The following CCSER1 variants were observed in gnomAD, a reference collection of about 807,000 sequenced individuals.
CCSER1 encodes the protein coiled-coil serine rich protein 1, also known as serine-rich coiled-coil domain-containing protein 1.
In CCSER1, 41 loss-of-function variants were observed where a neutral mutation model predicts 82.0. The ratio of observed to expected loss-of-function variants is 0.50; its 90% CI spans 0.39 to 0.65. The LOEUF (loss-of-function observed/expected upper bound fraction) is 0.65. Among genes scored for constraint, CCSER1 ranks in the 30% least tolerant of loss-of-function variants. CCSER1 has a pLI of 0.00. For missense variants in CCSER1, 1,119 were observed against 1,064.2 expected, an observed-to-expected ratio of 1.05 and a Z score of -0.72; for synonymous variants, 414 against 383.9, an observed-to-expected ratio of 1.08 and a Z score of -0.92.
At chr4:91,555,808 A>G (rs1048443588) in intron 10 of CCSER1, among the ~76,000 whole-genome samples, 2 of 151,204 alleles carry the variant, frequency 1.3e-5, no homozygotes, top group African/African-American at 4.9e-5. Flanking sequence ...AACATTTTGT[A>G]CTTACAGAGC....
At chr4:91,165,690 C>T (rs1731972296) in intron 10 of CCSER1, among the ~76,000 whole-genome samples, 1 of 152,254 alleles carries the variant, frequency 6.6e-6, no homozygotes, top group Non-Finnish European at 1.5e-5. Context: ...TCTCAGACTG[C>T]TGCGCTAGCA....
chr4:90,786,608 C>G (rs1029959026), intron 7 of CCSER1, among the ~76,000 whole-genome samples: 2 of 152,116 alleles, frequency 1.3e-5, no homozygotes, highest in Non-Finnish European at 2.9e-5. Context: ...CATTTACAAA[C>G]AAAGTGTATT....
chr4:91,094,331 T>G (rs4302434), intron 10 of CCSER1, among the ~76,000 whole-genome samples: 1 of 152,036 alleles, frequency 6.6e-6, no homozygotes, highest in Non-Finnish European at 1.5e-5. Flanking sequence ...AAACAGCTTT[T>G]GGCTCTCAGG....
intron 9 of CCSER1, among the ~76,000 whole-genome samples, chr4:90,944,785 T>C (rs1434769962): frequency 6.6e-6 from 1 of 152,214 alleles, no homozygotes; most frequent in East Asian, 1.9e-4. Flanking sequence ...GCAGGACTAA[T>C]TTTCTTGTTG....
At chr4:91,350,315 A>C (rs1343233414) in intron 10 of CCSER1, among the ~76,000 whole-genome samples, 1 of 152,206 alleles carries the variant, frequency 6.6e-6, no homozygotes, top group Admixed American at 6.5e-5. Context: ...GGAAAAATTA[A>C]TTATATAAAG....
At chr4:91,482,351 G>A (rs1463952984) in intron 10 of CCSER1, among the ~76,000 whole-genome samples, 2 of 76,246 alleles carry the variant, frequency 2.6e-5, no homozygotes, top group Admixed American at 1.4e-4. Flanking sequence ...GCAGTGAGCC[G>A]AGATTGCGCC....
chr4:90,623,213 T>C (rs1722674365), intron 5 of CCSER1, among the ~76,000 whole-genome samples: 3 of 151,884 alleles, frequency 2.0e-5, no homozygotes. Context: ...TTTTTGTATT[T>C]TTAGTAGAGA....
In CCSER1 at chr4:91,604,573, G is replaced by A. The variant is rs1195910793; in HGVS notation, c.*5516G>A. 4 of 151,926 alleles carry A rather than the reference G, an allele frequency of 2.6e-5. No homozygotes were observed. Among genetic ancestry groups the A allele is most frequent in the Non-Finnish European group, 5.9e-5 (4 of 67,932 alleles). 9.4% of individuals were successfully genotyped at this position (151,926 alleles called of 1,614,324 possible). ...CAATGAAGTGTCTAACAAAAGGAAA[G>A]CATACAGTAAATGAAAAATAAACTA... On this transcript the variant is annotated 3_prime_UTR_variant, in exon 11 of 11. Transcript: ENST00000509176.
At chr4:90,833,955 T>C (rs2149833968) in intron 8 of CCSER1, among the ~76,000 whole-genome samples, 1 of 152,326 alleles carries the variant, frequency 6.6e-6, no homozygotes, top group Middle Eastern at 3.4e-3. Flanking sequence ...TTCTGCTTTC[T>C]GGCCTTCCAC....
intron 7 of CCSER1, among the ~76,000 whole-genome samples, chr4:90,739,547 T>C (rs1478485680): frequency 2.0e-5 from 3 of 152,178 alleles, no homozygotes; most frequent in Non-Finnish European, 4.4e-5. Flanking sequence ...GGAATTGCAG[T>C]CCTTGTGGGC....
At chr4:90,269,083 T>C (rs939698857) in intron 1 of CCSER1, among the ~76,000 whole-genome samples, 1 of 152,084 alleles carries the variant, frequency 6.6e-6, no homozygotes, top group Non-Finnish European at 1.5e-5. Flanking sequence ...GGTAGATCAA[T>C]ACAATAGCTG....
chr4:91,518,619 C>T (rs1323687388), intron 10 of CCSER1, among the ~76,000 whole-genome samples: 1 of 152,118 alleles, frequency 6.6e-6, no homozygotes, highest in Non-Finnish European at 1.5e-5. Flanking sequence ...GGTGTTGGGG[C>T]ATCAAGGGCT....
chr4:91,493,738 T>G (rs2110075737), intron 10 of CCSER1, among the ~76,000 whole-genome samples: 1 of 151,838 alleles, frequency 6.6e-6, no homozygotes, highest in African/African-American at 2.4e-5. Flanking sequence ...ATATTATAAT[T>G]TCATCAACTC....
At chr4:90,983,577 G>C (rs1461597) in intron 9 of CCSER1, among the ~76,000 whole-genome samples, 8,562 of 151,612 alleles carry the variant, frequency 0.056, 324 homozygotes, top group South Asian at 0.17. Flanking sequence ...GAGCCTTAAA[G>C]AACCTCATAA....
chr4:90,263,210 A>G (rs11932221), intron 1 of CCSER1, among the ~76,000 whole-genome samples: 7,891 of 152,230 alleles, frequency 0.052, 547 homozygotes, highest in African/African-American at 0.16. Context: ...TAGAAGTGGC[A>G]TTCTCCCTCT....
chr4:91,300,075 T>G (rs1423221549), intron 10 of CCSER1, among the ~76,000 whole-genome samples: 1 of 151,960 alleles, frequency 6.6e-6, no homozygotes, highest in Non-Finnish European at 1.5e-5. Context: ...TTTGGAGTAC[T>G]TTTCAGACTC....
intron 10 of CCSER1, 77 bp downstream of exon 10, chr4:91,086,071 T>C: frequency 2.4e-6 from 2 of 845,554 alleles, no homozygotes; most frequent in Non-Finnish European, 3.9e-6. Flanking sequence ...GTGATGGTGA[T>C]TGACGATAAT....
intron 8 of CCSER1, among the ~76,000 whole-genome samples, chr4:90,915,611 G>A (rs577170571): frequency 1.6e-4 from 25 of 152,198 alleles, no homozygotes; most frequent in African/African-American, 5.3e-4. Flanking sequence ...GCACAAGACA[G>A]GGATGCCCTC....
intron 8 of CCSER1, chr4:90,838,755 C>T (rs539167797): frequency 6.0e-5 from 68 of 1,124,516 alleles, no homozygotes; most frequent in Non-Finnish European, 8.4e-5. Flanking sequence ...CCTTCGTTGT[C>T]AGTAGTTCTT....
Sources: gnomAD v4.1 joint callset for allele counts (sites outside exome capture counted in the v4.1 genomes callset) on GRCh38, gnomAD v4.1.1 for gene constraint, MANE v1.5 for transcripts, NCBI Gene and HGNC (gene_info 2026-07-23, HGNC 2026-07-21) for gene names.